Variants in DNAH9 observed in about 807,000 individuals in gnomAD.
The protein encoded by DNAH9 is dynein axonemal heavy chain 9.
In DNAH9, 345 loss-of-function variants were observed where a neutral mutation model predicts 471.6. The observed-to-expected ratio is 0.73, with a 90% confidence interval of 0.67 to 0.80. DNAH9 has a LOEUF of 0.80. Ranked by LOEUF, DNAH9 falls within the 30% of genes least tolerant of loss-of-function variation. The probability of loss-of-function intolerance (pLI) is 0.00; values close to 1 mark genes in which losing one functional copy is unlikely to be tolerated. For missense variants in DNAH9, 5,407 were observed against 5,609.2 expected (o/e 0.96, Z 1.15); for synonymous variants, 2,093 against 2,123.6 (o/e 0.99, Z 0.40).
At position 11,632,640 on chromosome 17, in the gene DNAH9, A is replaced by G. The variant is rs772683450; in HGVS notation, c.1572A>G (p.Arg524=). ...ACCAGAAAGTAGAAGATCTTGACCG[A>G]AGATTGGGGACTATCTTTATTCAAG... ...EFNQKVEDLD[R]RLGTIFIQAF... Residue 524 remains arginine (R), a synonymous_variant, in exon 8 of 69, where the codon CGA becomes CGG. Transcript: ENST00000262442. 4 of 1,612,302 alleles carry G rather than the reference A, an allele frequency of 2.5e-6. No individual in the cohort carries two copies. Among genetic ancestry groups the G allele is most frequent in the Non-Finnish European group, 3.4e-6 (4 of 1,178,358 alleles).
chr17:11,790,663 T>C (rs1969031087), intron 41 of DNAH9, among the ~76,000 whole-genome samples: 1 of 151,872 alleles, frequency 6.6e-6, no homozygotes, highest in South Asian at 2.1e-4. Flanking sequence ...TATGTTATTT[T>C]ATATAATAAT....
At chr17:11,950,971 G>C (rs1975341334) in intron 67 of DNAH9, among the ~76,000 whole-genome samples, 1 of 152,142 alleles carries the variant, frequency 6.6e-6, no homozygotes, top group Non-Finnish European at 1.5e-5. Context: ...CACCTTAGGA[G>C]TTCTGCTGAG....
intron 26 of DNAH9, among the ~76,000 whole-genome samples, chr17:11,713,150 G>A (rs921064008): frequency 5.9e-5 from 9 of 152,116 alleles, no homozygotes; most frequent in South Asian, 2.1e-4. Flanking sequence ...GTGAACATGC[G>A]GTATTTGGTT....
chr17:11,663,348 C>T (rs1436037601), intron 14 of DNAH9, among the ~76,000 whole-genome samples: 2 of 152,216 alleles, frequency 1.3e-5, no homozygotes, highest in Non-Finnish European at 2.9e-5. Flanking sequence ...CAAATTCTGT[C>T]TTCTCTGCCT....
Position 11,867,326 on chromosome 17 carries a change from C to T in DNAH9, c.9934-1808C>T, listed in dbSNP as rs182850134. 2.6e-4 allele frequency among the ~76,000 whole-genome samples: 40 copies of T among 152,288 alleles called. No individual in the cohort carries two copies. The South Asian group carries it at 3.1e-3, about 12-fold the overall frequency. ...CTGTCAGATGTTGAACCTCCTAGAT[C>T]AGTCCTCTGTTTTCTTCCATCTTTT... On this transcript the variant is annotated intron_variant, in intron 50 of 68. Coordinates refer to ENST00000262442, the MANE Select transcript of DNAH9 (RefSeq NM_001372.4).
chr17:11,623,055 C>T lies in DNAH9; in HGVS notation c.1350+3274C>T, dbSNP rs1266776065. On this transcript the variant is annotated intron_variant, in intron 6 of 68. Transcript: ENST00000262442. This position sits in a 1 kb window ranked among gnomAD's most constrained non-coding sequence, Gnocchi z 4.1. ...GTGGCACAATCTCGGCTCACGACAA[C>T]CTCTGCCTCCTGGGTTCAAGCGATT... 2.0e-5 allele frequency among the ~76,000 whole-genome samples: 3 copies of T among 150,606 alleles called. No individual in the cohort carries two copies. The highest frequency in any genetic ancestry group is 7.3e-5 in the African/African-American group (3 of 41,022).
intron 49 of DNAH9, among the ~76,000 whole-genome samples, chr17:11,847,549 C>G (rs1174621888): frequency 2.6e-5 from 4 of 152,092 alleles, no homozygotes; most frequent in African/African-American, 9.7e-5. Flanking sequence ...TCTGGGTTCT[C>G]TATTCTGTTC....
intron 33 of DNAH9, among the ~76,000 whole-genome samples, chr17:11,754,231 T>C (rs1233817543): frequency 6.6e-6 from 1 of 152,214 alleles, no homozygotes; most frequent in Non-Finnish European, 1.5e-5. Flanking sequence ...CTGTCATTGA[T>C]GGGCATTTAG....
At chr17:11,721,078 T>C (rs1294813018) in intron 27 of DNAH9, among the ~76,000 whole-genome samples, 1 of 152,094 alleles carries the variant, frequency 6.6e-6, no homozygotes, top group Non-Finnish European at 1.5e-5. Context: ...ACGTGGTGTA[T>C]TGATTGAAGA....
intron 14 of DNAH9, among the ~76,000 whole-genome samples, chr17:11,657,337 T>C (rs2073670517): frequency 6.6e-6 from 1 of 152,164 alleles, no homozygotes; most frequent in South Asian, 2.1e-4. Flanking sequence ...TGAATATTTT[T>C]TCATATGCTG....
rs750353340 is a variant in DNAH9, at chr17:11,694,347, C to T, written c.4772C>T (p.Ala1591Val). 44 of 1,613,806 alleles carry T rather than the reference C, an allele frequency of 2.7e-5. No homozygotes were observed. In the Middle Eastern group the frequency reaches 2.0e-3, roughly 72 times the overall value. The change falls in exon 22 of 69, where the codon GCA becomes GTA. Residue 1591 changes from alanine to valine, a missense_variant. Ala to Val is a moderately conservative substitution (Grantham distance 64, BLOSUM62 0). Transcript: ENST00000262442. ...TTGTGCCTGTGTGAGAAGGCCCTGG[C>T]AGAGTACCTCGACACCAAGAGGCTT... is the stretch of plus-strand genomic sequence containing the variant. ...GRLCLCEKAL[A>V]EYLDTKRLAF...
At chr17:11,640,415 G>C in intron 10 of DNAH9, 31 bp downstream of exon 10, 2 of 1,404,364 alleles carry the variant, frequency 1.4e-6, no homozygotes, top group Non-Finnish European at 2.0e-6. Context: ...AGACAGGCTT[G>C]TCTTGGGCTG....
intron 9 of DNAH9, among the ~76,000 whole-genome samples, chr17:11,638,800 G>C (rs1323837123): frequency 6.6e-6 from 1 of 152,110 alleles, no homozygotes; most frequent in Non-Finnish European, 1.5e-5. Flanking sequence ...GCATCTGGAG[G>C]CTCTAGAGGA....
intron 39 of DNAH9, among the ~76,000 whole-genome samples, chr17:11,782,665 G>A (rs1968713629): frequency 6.6e-6 from 1 of 152,226 alleles, no homozygotes; most frequent in Non-Finnish European, 1.5e-5. Flanking sequence ...GGGAGGCCAA[G>A]GTGGGCGAAT....
intron 59 of DNAH9, among the ~76,000 whole-genome samples, chr17:11,900,272 G>T (rs1300996036): frequency 6.6e-6 from 1 of 152,002 alleles, no homozygotes; most frequent in Non-Finnish European, 1.5e-5. Context: ...AGTGATCAGG[G>T]TGAAACTGGG....
rs1405085396 is a variant in DNAH9 at position 11,617,495 on chromosome 17, A to G, written c.989A>G (p.Glu330Gly). 1.2e-5 allele frequency: 19 copies of G among 1,614,114 alleles called. No homozygotes were observed. The South Asian group carries it at 1.8e-4, about 15-fold the overall frequency. The change falls in exon 5 of 69, where the codon GAG becomes GGG. Residue 330 changes from glutamate (E) to glycine (G), a missense_variant. By Grantham distance (98) the Glu-to-Gly change is moderately conservative. Around this residue, in one of 3 missense-constraint regions of DNAH9, gnomAD observed 767 missense variants for 692.5 expected, o/e 1.11. Coordinates refer to ENST00000262442, the MANE Select transcript of DNAH9 (RefSeq NM_001372.4). ...GCTCTGGAGAATGCAGAATTTCCGG[A>G]GGTGAAGCCCCAGCTGCGGCCCCTG... ...LEALENAEFPEVKPQLRPLLH... is the reference protein window; with the variant it reads ...LEALENAEFPGVKPQLRPLLH...
chr17:11,604,682 G>C (rs1233669130), intron 1 of DNAH9, among the ~76,000 whole-genome samples: 1 of 152,006 alleles, frequency 6.6e-6, no homozygotes, highest in Admixed American at 6.6e-5. Flanking sequence ...ACAGATCTTA[G>C]AGTCATCCTG....
At chr17:11,862,679 A>G (rs1264017706) in intron 50 of DNAH9, among the ~76,000 whole-genome samples, 2 of 152,092 alleles carry the variant, frequency 1.3e-5, no homozygotes, top group African/African-American at 4.8e-5. Flanking sequence ...ATTTGTTTGT[A>G]TCCTCTTTAA....
At chr17:11,924,014 A>C in intron 62 of DNAH9, 73 bp downstream of exon 62, 9 of 1,563,612 alleles carry the variant, frequency 5.8e-6, no homozygotes, top group South Asian at 1.2e-5. Flanking sequence ...GGGCATCTCC[A>C]TCCACTCTTA....
Sources: allele counts gnomAD v4.1 joint callset (sites outside exome capture counted in the v4.1 genomes callset), GRCh38; gene constraint gnomAD v4.1.1; regional missense constraint gnomAD v4.1.1; non-coding constraint Gnocchi (gnomAD v3.1); transcripts MANE v1.5; gene names NCBI Gene and HGNC (gene_info 2026-07-23, HGNC 2026-07-21).